VWDE: variants seen among roughly 807,000 people sequenced by gnomAD.
VWDE encodes von Willebrand factor D and EGF domains, also known as von Willebrand factor D and EGF domain-containing protein.
A neutral mutation model predicts 178.4 loss-of-function variants in VWDE; 207 were observed. The observed-to-expected ratio is 1.16, with a 90% CI of 1.04 to 1.30. VWDE has a LOEUF of 1.30. Among genes scored for constraint, VWDE ranks in the 50% most tolerant of loss-of-function variants. VWDE has a pLI of 0.00. For synonymous variants in VWDE, 738 were observed against 651.4 expected, an observed-to-expected ratio of 1.13 and a Z score of -2.02; for missense variants, 2,287 against 1,901.3, an observed-to-expected ratio of 1.20 and a Z score of -3.77.
chr7:12,372,968 C>G lies in VWDE; in HGVS notation c.1587+9G>C, dbSNP rs1307320616. On this transcript the variant is annotated intron_variant, in intron 10 of 28. Transcript: ENST00000275358. ...AAAAATACTTTCAATGTTAAAGAAT[C>G]ATACATACTGTGACTTTTCTTCCTA... 1 of 1,549,412 alleles carries G rather than the reference C, an allele frequency of 6.5e-7. No individual in the cohort carries two copies. Among genetic ancestry groups the G allele is most frequent in the Admixed American group, 2.0e-5 (1 of 50,752 alleles).
chr7:12,380,242 T>A (rs1418114821), intron 5 of VWDE, among the ~76,000 whole-genome samples: 1 of 150,770 alleles, frequency 6.6e-6, no homozygotes, highest in Admixed American at 6.6e-5. Context: ...AATATATATA[T>A]AAAAAAGGAT....
Position 12,331,182 on chromosome 7 carries a change from C to G in VWDE, c.*1G>C, listed in dbSNP as rs1283591673. The G allele has an allele frequency of 1.3e-6, 2 of 1,541,614 alleles. No individual in the cohort carries two copies. Among genetic ancestry groups the G allele is most frequent in the Non-Finnish European group, 1.8e-6 (2 of 1,140,132 alleles). On this transcript the variant is annotated 3_prime_UTR_variant, in exon 29 of 29. Transcript: ENST00000275358. ...CTTGTAATTCATATACTTGATGCTACTCAATGGCGTCTTATCTGTAGTAGG... is the reference window on the plus strand; with the variant it reads ...CTTGTAATTCATATACTTGATGCTAGTCAATGGCGTCTTATCTGTAGTAGG...
chr7:12,354,619 G>T, intron 18 of VWDE: 1 of 201,944 alleles, frequency 5.0e-6, no homozygotes. Flanking sequence ...TGCATTATGA[G>T]GACAGAAGTA....
rs2128567219 is a variant in VWDE at position 12,403,766 on chromosome 7, G to C, written c.-50C>G. 4 of 1,542,886 alleles carry C rather than the reference G, an allele frequency of 2.6e-6. No individual in the cohort carries two copies. The highest frequency in any genetic ancestry group is 3.5e-6 in the Non-Finnish European group (4 of 1,140,450). On this transcript the variant is annotated 5_prime_UTR_variant, in exon 1 of 29. Coordinates refer to ENST00000275358, the MANE Select transcript of VWDE (RefSeq NM_001135924.3). ...AGGCGTCGCAGAGCCCGGGCCGCGG[G>C]TGCCAGGAGGATGGGGCCACAGCAG...
At chr7:12,382,881 T>A (rs1218780298) in intron 4 of VWDE, among the ~76,000 whole-genome samples, 1 of 151,854 alleles carries the variant, frequency 6.6e-6, no homozygotes, top group Non-Finnish European at 1.5e-5. Flanking sequence ...TCTTAATATT[T>A]GAAAAAACTT....
chr7:12,391,307 G>C (rs1055933124), intron 2 of VWDE, among the ~76,000 whole-genome samples: 1 of 152,092 alleles, frequency 6.6e-6, no homozygotes, highest in Non-Finnish European at 1.5e-5. Context: ...ATTTATGTAA[G>C]TCCACGTGTA....
At chr7:12,397,068 T>C (rs181711921) in intron 1 of VWDE, among the ~76,000 whole-genome samples, 90 of 151,954 alleles carry the variant, frequency 5.9e-4, no homozygotes, top group Non-Finnish European at 1.0e-3. Flanking sequence ...AAAAAAAAAC[T>C]ATTCTAAAAT....
intron 2 of VWDE, among the ~76,000 whole-genome samples, chr7:12,390,377 G>C (rs1162395986): frequency 6.6e-6 from 1 of 151,974 alleles, no homozygotes; most frequent in East Asian, 1.9e-4. Flanking sequence ...GGTGGAAGTG[G>C]TACCCACCTC....
chr7:12,331,047 A>G lies in VWDE; in HGVS notation c.*136T>C, dbSNP rs1182346480. On this transcript the variant is annotated 3_prime_UTR_variant, in exon 29 of 29. Transcript: ENST00000275358. ...ATGATTACAACAGAGATCATTATGTATTTTATTAGTTTCTTCAGTCTTTAA... is the reference window on the plus strand; with the variant it reads ...ATGATTACAACAGAGATCATTATGTGTTTTATTAGTTTCTTCAGTCTTTAA... 1.6e-6 allele frequency: 1 copy of G among 638,400 alleles called. No homozygotes were observed. Among genetic ancestry groups the G allele is most frequent in the Non-Finnish European group, 2.6e-6 (1 of 383,018 alleles). The allele number at this position is 638,400 out of a possible 1,614,324, so 39.5% of individuals were successfully genotyped here. A position where few individuals can be genotyped will look rare whatever the true frequency, so the allele number is the denominator to read the frequency against.
rs1783146944 is a variant in VWDE, at chr7:12,370,758, C to T, written c.1694G>A (p.Cys565Tyr). The change falls in exon 11 of 29, where the codon TGT becomes TAT. Residue 565 changes from cysteine to tyrosine, a missense_variant. Physicochemically the swap from Cys to Tyr is radical, Grantham distance 194. Coordinates refer to ENST00000275358, the MANE Select transcript of VWDE (RefSeq NM_001135924.3). Reference protein sequence around the residue: ...SVDYRNTLGLCGTFDENPEND... With the variant: ...SVDYRNTLGLYGTFDENPEND... Reference sequence around the variant, plus strand: ...TTCCGGATTTTCATCAAAGGTTCCACAAAGTCCCAGAGTGTTTCTGTAATC... The same window carrying T: ...TTCCGGATTTTCATCAAAGGTTCCATAAAGTCCCAGAGTGTTTCTGTAATC... 1 of 1,550,238 alleles carries T rather than the reference C, an allele frequency of 6.5e-7. No individual in the cohort carries two copies. Among genetic ancestry groups the T allele is most frequent in the Non-Finnish European group, 8.7e-7 (1 of 1,146,400 alleles).
intron 4 of VWDE, among the ~76,000 whole-genome samples, chr7:12,383,163 A>T (rs1013553835): frequency 2.6e-5 from 4 of 152,106 alleles, no homozygotes; most frequent in African/African-American, 9.6e-5. Context: ...TTCTTAAAAC[A>T]TTATTAGACA....
At chr7:12,402,224 G>T (rs1784933312) in intron 1 of VWDE, among the ~76,000 whole-genome samples, 1 of 152,282 alleles carries the variant, frequency 6.6e-6, no homozygotes, top group Non-Finnish European at 1.5e-5. Context: ...TTCTAAAATT[G>T]ACTGTGGTCA....
At chr7:12,379,970 C>T (rs1242395343) in intron 5 of VWDE, among the ~76,000 whole-genome samples, 4 of 151,492 alleles carry the variant, frequency 2.6e-5, no homozygotes, top group Non-Finnish European at 5.9e-5. Flanking sequence ...TGGTGGCGGG[C>T]GCCTGTAGTC....
At chr7:12,355,725 C>T (rs1398529629) in intron 18 of VWDE, among the ~76,000 whole-genome samples, 4 of 152,020 alleles carry the variant, frequency 2.6e-5, no homozygotes, top group Middle Eastern at 3.2e-3. Flanking sequence ...TCTAAGTCAA[C>T]GAATTATCAG....
rs1036316545 is a variant in VWDE, at chr7:12,361,498, A to G, written c.2922T>C (p.Pro974=). The change falls in exon 14 of 29, where the codon CCT becomes CCC. Residue 974 remains proline, a synonymous_variant. Coordinates refer to ENST00000275358, the MANE Select transcript of VWDE (RefSeq NM_001135924.3). ...CAGTCTGTGTATAGATGGGTTCTCC[A>G]GGCATCCATTCACTGCTATTATACT... is the stretch of plus-strand genomic sequence containing the variant. The part of the protein sequence containing the change: ...KLQYNSSEWM[P]GEPIYTQTVF... 4 of 1,549,348 alleles carry G rather than the reference A, an allele frequency of 2.6e-6. No homozygotes were observed. The Admixed American group carries it at 7.9e-5, about 31-fold the overall frequency.
chr7:12,354,963 T>C (rs543761765), intron 18 of VWDE, among the ~76,000 whole-genome samples: 6 of 152,192 alleles, frequency 3.9e-5, no homozygotes, highest in Admixed American at 6.5e-5. Flanking sequence ...GTGGTGCTCT[T>C]TGAAATGCTT....
chr7:12,383,982 C>T (rs904034987), intron 3 of VWDE, among the ~76,000 whole-genome samples: 7 of 152,094 alleles, frequency 4.6e-5, no homozygotes, highest in African/African-American at 1.7e-4. Flanking sequence ...TAGCATATGA[C>T]ATAGAAATCA....
intron 10 of VWDE, among the ~76,000 whole-genome samples, chr7:12,372,292 C>T (rs1457348400): frequency 6.6e-6 from 1 of 151,874 alleles, no homozygotes; most frequent in Non-Finnish European, 1.5e-5. Flanking sequence ...TTTTGATTTG[C>T]ATTTTGGTTT....
chr7:12,359,548 A>C lies in VWDE; in HGVS notation c.3274+30T>G. On this transcript the variant is annotated intron_variant, in intron 16 of 28. Coordinates refer to ENST00000275358, the MANE Select transcript of VWDE (RefSeq NM_001135924.3). Reference sequence around the variant, plus strand: ...CCACTTTTAAAATGTCTTGTATAGGAAATATTTGGATTAATAAAGAGTAAC... The same window carrying C: ...CCACTTTTAAAATGTCTTGTATAGGCAATATTTGGATTAATAAAGAGTAAC... 2.1e-6 allele frequency: 3 copies of C among 1,413,700 alleles called. No homozygotes were observed. In the East Asian group the frequency reaches 7.5e-5, roughly 35 times the overall value. 87.6% of individuals were successfully genotyped at this position (1,413,700 alleles called of 1,614,324 possible).
Sources: gnomAD v4.1 joint callset for allele counts (sites outside exome capture counted in the v4.1 genomes callset) on GRCh38, gnomAD v4.1.1 for gene constraint, MANE v1.5 for transcripts, NCBI Gene and HGNC (gene_info 2026-07-23, HGNC 2026-07-21) for gene names.